Variants in CAST observed in about 807,000 individuals in gnomAD.
CAST encodes the protein calpastatin.
A neutral mutation model predicts 119.6 loss-of-function variants in CAST; 76 were observed. The observed-to-expected ratio is 0.64, with a 90% CI of 0.53 to 0.77. The LOEUF is 0.77. Among genes scored for constraint, CAST ranks in the 30% least tolerant of loss-of-function variants. CAST has a pLI of 0.00. For synonymous variants in CAST, 319 were observed against 331.6 expected, an observed-to-expected ratio of 0.96 and a Z score of 0.41; for missense variants, 953 against 946.5, an observed-to-expected ratio of 1.01 and a Z score of -0.09.
the CAST span, among the ~76,000 whole-genome samples, chr5:96,451,627 G>C: frequency 6.6e-6 from 1 of 152,166 alleles, no homozygotes; most frequent in Non-Finnish European, 1.5e-5. Flanking sequence ...GGCAACAAAA[G>C]CCAAAATTGA....
At chr5:96,111,716 A>T in the CAST span, among the ~76,000 whole-genome samples, 1 of 152,224 alleles carries the variant, frequency 6.6e-6, no homozygotes, top group East Asian at 1.9e-4. Context: ...ACAACATCAC[A>T]GTACCTAAGA....
the CAST span, among the ~76,000 whole-genome samples, chr5:96,430,824 A>ATG: frequency 6.6e-6 from 1 of 152,130 alleles, no homozygotes; most frequent in East Asian, 1.9e-4. Flanking sequence ...GTTTTCCCCC[A>ATG]CTATTTGTTA....
At chr5:96,279,904 G>A in the CAST span, among the ~76,000 whole-genome samples, 8 of 152,314 alleles carry the variant, frequency 5.3e-5, no homozygotes, top group African/African-American at 1.2e-4. Context: ...AGTTCAGATA[G>A]CCCCACTAAC....
At chr5:96,420,693 G>C in the CAST span, among the ~76,000 whole-genome samples, 2 of 139,358 alleles carry the variant, frequency 1.4e-5, no homozygotes, top group Admixed American at 1.4e-4. Flanking sequence ...CTTTAGATCA[G>C]TATTACTGCA....
chr5:96,042,561 G>A, the CAST span, among the ~76,000 whole-genome samples: 1 of 152,156 alleles, frequency 6.6e-6, no homozygotes, highest in Non-Finnish European at 1.5e-5. Context: ...TGTTCGATAT[G>A]ATTAATTATT....
the CAST span, chr5:95,986,437 T>C: frequency 6.6e-6 from 1 of 152,236 alleles, no homozygotes; most frequent in Non-Finnish European, 1.5e-5. Context: ...ATAATGTTTA[T>C]AGCAGCATAT....
At chr5:96,053,001 G>A in the CAST span, among the ~76,000 whole-genome samples, 1 of 152,078 alleles carries the variant, frequency 6.6e-6, no homozygotes, top group South Asian at 2.1e-4. Flanking sequence ...TGAAGATCTT[G>A]CTCTAGTCCT....
intron 29 of CAST, 21 bp from the exon 30 acceptor site, chr5:96,770,510 A>G (rs1471262562): frequency 1.3e-6 from 2 of 1,572,328 alleles, no homozygotes. Flanking sequence ...CCATAGCCTC[A>G]TTACATTTCC....
rs1353276857 is a variant in CAST, at chr5:96,534,712, A to AG, written c.60+4832_60+4833insG. On this transcript the variant is annotated intron_variant, in intron 1 of 11. Transcript: ENST00000505143. ...AGAGGAAGGAAGGAAGGAAGGAAGG[A>AG]AGGAGAGAGAGAGAGAGAGAGAGAG... 5.1e-4 allele frequency among the ~76,000 whole-genome samples: 24 copies of AG among 47,294 alleles called. 3 individuals are homozygous for AG. Among genetic ancestry groups the AG allele is most frequent in the Admixed American group, 1.0e-3 (4 of 3,820 alleles). 31.0% of individuals were successfully genotyped at this position (47,294 alleles called of 152,430 possible).
the CAST span, among the ~76,000 whole-genome samples, chr5:96,086,845 T>C: frequency 6.6e-6 from 1 of 152,242 alleles, no homozygotes; most frequent in Non-Finnish European, 1.5e-5. Context: ...TATCAATTTA[T>C]TTCAAGCAGT....
At chr5:96,414,694 T>G in the CAST span, among the ~76,000 whole-genome samples, 1 of 152,204 alleles carries the variant, frequency 6.6e-6, no homozygotes, top group African/African-American at 2.4e-5. Flanking sequence ...TCTGATTCTT[T>G]CTCTACAAAA....
At chr5:96,067,238 T>G in the CAST span, among the ~76,000 whole-genome samples, 1 of 152,208 alleles carries the variant, frequency 6.6e-6, no homozygotes, top group East Asian at 1.9e-4. Flanking sequence ...AAGGTTATAT[T>G]CTGTATTTTC....
At chr5:96,494,856 G>T in the CAST span, among the ~76,000 whole-genome samples, 1 of 152,158 alleles carries the variant, frequency 6.6e-6, no homozygotes, top group African/African-American at 2.4e-5. Flanking sequence ...AGTAGCTCAC[G>T]CCTGTAATCC....
chr5:96,771,542 C>T (rs1772318854), intron 30 of CAST, 102 bp from the exon 31 acceptor site: 1 of 753,672 alleles, frequency 1.3e-6, no homozygotes, highest in South Asian at 1.9e-5. Flanking sequence ...TCTTATTTTT[C>T]CCCACTGACT....
At chr5:96,577,035 C>T (rs1398750441) in intron 1 of CAST, among the ~76,000 whole-genome samples, 1 of 152,150 alleles carries the variant, frequency 6.6e-6, no homozygotes, top group Non-Finnish European at 1.5e-5. Context: ...TTCCTATGTC[C>T]ATGTGTTCTC....
At chr5:96,456,188 G>T in the CAST span, among the ~76,000 whole-genome samples, 1 of 152,184 alleles carries the variant, frequency 6.6e-6, no homozygotes, top group South Asian at 2.1e-4. Flanking sequence ...AAAGAAAGAA[G>T]GAGCCAATAG....
At chr5:96,736,563 C>CT (rs1561547594) in intron 10 of CAST, among the ~76,000 whole-genome samples, 1 of 151,992 alleles carries the variant, frequency 6.6e-6, no homozygotes, top group African/African-American at 2.4e-5. Context: ...TAAGGTACTT[C>CT]TTTTTTTCTG....
chr5:96,356,454 T>G, the CAST span, among the ~76,000 whole-genome samples: 2 of 152,234 alleles, frequency 1.3e-5, no homozygotes, highest in Non-Finnish European at 2.9e-5. Flanking sequence ...TTTTAGGTTT[T>G]TATGGTTTTA....
the CAST span, among the ~76,000 whole-genome samples, chr5:96,243,614 C>T: frequency 6.6e-6 from 1 of 152,074 alleles, no homozygotes; most frequent in Non-Finnish European, 1.5e-5. Context: ...CTTTTTATTT[C>T]TGAACTTTCT....
Sources: gnomAD v4.1 joint callset for allele counts (sites outside exome capture counted in the v4.1 genomes callset) on GRCh38, gnomAD v4.1.1 for gene constraint, MANE v1.5 for transcripts, NCBI Gene and HGNC (gene_info 2026-07-23, HGNC 2026-07-21) for gene names.